GIGYF2: variants seen among roughly 807,000 people sequenced by gnomAD.
The protein encoded by GIGYF2 is GRB10 interacting GYF protein 2.
A neutral mutation model predicts 208.1 loss-of-function variants in GIGYF2; 25 were observed. The observed-to-expected ratio is 0.12, with a 90% CI of 0.09 to 0.17. The LOEUF (loss-of-function observed/expected upper bound fraction) is 0.17. Among genes scored for constraint, GIGYF2 ranks in the 10% least tolerant of loss-of-function variants. The pLI is 1.00. For synonymous variants in GIGYF2, 534 were observed against 543.8 expected (o/e 0.98, Z 0.25); for missense variants, 1,302 against 1,579.4 (o/e 0.82, Z 2.98).
At position 232,791,244 on chromosome 2, in the gene GIGYF2, A is replaced by G. The variant is rs1168707917; in HGVS notation, c.1094-14A>G. 1 of 1,614,032 alleles carries G rather than the reference A, an allele frequency of 6.2e-7. No individual in the cohort carries two copies. The highest frequency in any genetic ancestry group is 8.5e-7 in the Non-Finnish European group (1 of 1,179,910). ...AACTTTCGTAAGTTCAACTAAGATTACTTCGTGTTCCAGAAGCTAGTGAGG... is the reference window on the plus strand; with the variant it reads ...AACTTTCGTAAGTTCAACTAAGATTGCTTCGTGTTCCAGAAGCTAGTGAGG... On this transcript the variant is annotated splice_polypyrimidine_tract_variant and intron_variant, in intron 11 of 28. Transcript: ENST00000373563.
chr2:232,810,829 A>G (rs73106316), intron 16 of GIGYF2: 2,331 of 198,336 alleles, frequency 0.012, 72 homozygotes, highest in African/African-American at 0.052. Flanking sequence ...GAATTTTTAT[A>G]GAAGTGTTAC....
At chr2:232,823,849 G>A (rs1432395061) in intron 21 of GIGYF2, among the ~76,000 whole-genome samples, 2 of 152,112 alleles carry the variant, frequency 1.3e-5, no homozygotes, top group African/African-American at 4.8e-5. Context: ...CATTTTTTAC[G>A]AATTGAAGGG....
chr2:232,786,258 G>A (rs2106359363), intron 8 of GIGYF2, among the ~76,000 whole-genome samples: 1 of 151,580 alleles, frequency 6.6e-6, no homozygotes, highest in East Asian at 1.9e-4. Context: ...TTTTTTTTGA[G>A]ACGGAGTCTT....
chr2:232,835,733 T>C (rs1574938768), intron 22 of GIGYF2, among the ~76,000 whole-genome samples: 1 of 152,318 alleles, frequency 6.6e-6, no homozygotes, highest in East Asian at 1.9e-4. Flanking sequence ...GTTGGGGATA[T>C]AGCACTGGGT....
chr2:232,779,161 T>C lies in GIGYF2; in HGVS notation c.533-7989T>C, dbSNP rs1167043073. Among the ~76,000 whole-genome samples, 4 of 152,196 alleles carry C rather than the reference T, an allele frequency of 2.6e-5. No homozygotes were observed. The East Asian group carries it at 5.8e-4, about 22-fold the overall frequency. The stretch of plus-strand genomic sequence containing the variant: ...CATGGTCCTTCCCATCTAGACAATT[T>C]GTTATTTCTGTTGTAGCTGTTTCAC... On this transcript the variant is annotated intron_variant, in intron 8 of 28. Transcript: ENST00000373563.
intron 18 of GIGYF2, among the ~76,000 whole-genome samples, chr2:232,813,787 A>G (rs1700817776): frequency 1.3e-5 from 2 of 152,006 alleles, no homozygotes; most frequent in African/African-American, 4.8e-5. Context: ...TGTTAAGAAT[A>G]CAGGTTGAGT....
intron 5 of GIGYF2, among the ~76,000 whole-genome samples, chr2:232,754,202 A>AT (rs147027549): frequency 0.023 from 3,466 of 149,520 alleles, 147 homozygotes; most frequent in African/African-American, 0.081. Flanking sequence ...GAGTTGTTTC[A>AT]TTTTTTTTTT....
At chr2:232,749,180 A>G in intron 5 of GIGYF2, 98 bp downstream of exon 5, 1 of 771,130 alleles carries the variant, frequency 1.3e-6, no homozygotes. Flanking sequence ...ATTATCCTGC[A>G]TCCTCATAGG....
intron 14 of GIGYF2, among the ~76,000 whole-genome samples, chr2:232,800,995 A>G (rs1197192282): frequency 6.6e-6 from 1 of 152,086 alleles, no homozygotes; most frequent in East Asian, 1.9e-4. Context: ...CTCTTGCCTC[A>G]GCCACCCAAG....
Position 232,860,559 on chromosome 2 carries a change from A to C in GIGYF2, c.*3699A>C, listed in dbSNP as rs986040777. 1 of 152,132 alleles carries C rather than the reference A, an allele frequency of 6.6e-6. No individual in the cohort carries two copies. Among genetic ancestry groups the C allele is most frequent in the Non-Finnish European group, 1.5e-5 (1 of 68,024 alleles). 9.4% of individuals were successfully genotyped at this position (152,132 alleles called of 1,614,324 possible). On this transcript the variant is annotated 3_prime_UTR_variant, in exon 29 of 29. Transcript: ENST00000373563. ...TGCCCAACTGTGCATTATTAATAAA[A>C]GTATGTGAATGACTCTAATTAAACA...
chr2:232,747,026 C>T (rs1698174935), intron 3 of GIGYF2, among the ~76,000 whole-genome samples: 1 of 152,134 alleles, frequency 6.6e-6, no homozygotes, highest in South Asian at 2.1e-4. Flanking sequence ...CAGGTTTATG[C>T]ATTTTATATA....
chr2:232,855,806 A>G (rs541742506), intron 28 of GIGYF2, among the ~76,000 whole-genome samples: 45 of 151,850 alleles, frequency 3.0e-4, no homozygotes, highest in Admixed American at 1.6e-3. Flanking sequence ...GCCCACCCCC[A>G]TCTCTTTTAA....
At chr2:232,748,947 A>G in intron 4 of GIGYF2, 40 bp from the exon 5 acceptor site, 1 of 881,706 alleles carries the variant, frequency 1.1e-6, no homozygotes. Flanking sequence ...CTTATTGCAG[A>G]AATAGCATTA....
At chr2:232,750,722 A>T (rs1698305130) in intron 5 of GIGYF2, among the ~76,000 whole-genome samples, 1 of 145,786 alleles carries the variant, frequency 6.9e-6, no homozygotes, top group African/African-American at 2.6e-5. Flanking sequence ...TATGCTATTT[A>T]TATGAGCTCT....
intron 3 of GIGYF2, chr2:232,736,154 T>C (rs1697722998): frequency 1.0e-6 from 1 of 979,404 alleles, no homozygotes; most frequent in Non-Finnish European, 1.2e-6. Context: ...ATTTGGAGAC[T>C]GAGGAGAAAT....
intron 2 of GIGYF2, among the ~76,000 whole-genome samples, chr2:232,712,166 C>G (rs1446897168): frequency 6.6e-6 from 1 of 151,792 alleles, no homozygotes; most frequent in African/African-American, 2.4e-5. Flanking sequence ...AAGTCTCATT[C>G]ATTTTGAAAA....
chr2:232,734,793 TAAAATGTA>T (rs914733288), intron 2 of GIGYF2, among the ~76,000 whole-genome samples: 1 of 152,170 alleles, frequency 6.6e-6, no homozygotes, highest in African/African-American at 2.4e-5. Context: ...TAATATGAAC[TAAAATGTA>T]AATCTATTAC....
At chr2:232,697,666 C>T (rs1288877345) in intron 1 of GIGYF2, among the ~76,000 whole-genome samples, 1 of 152,246 alleles carries the variant, frequency 6.6e-6, no homozygotes, top group East Asian at 1.9e-4. Flanking sequence ...GCCGAGAAGC[C>T]CCTAGGCCAG....
intron 9 of GIGYF2, among the ~76,000 whole-genome samples, chr2:232,788,913 A>G (rs960647844): frequency 2.0e-5 from 3 of 152,148 alleles, no homozygotes; most frequent in African/African-American, 7.2e-5. Flanking sequence ...TTGGGTCTGA[A>G]AAAACAGTGT....
Sources: gnomAD v4.1 joint callset for allele counts (sites outside exome capture counted in the v4.1 genomes callset) on GRCh38, gnomAD v4.1.1 for gene constraint, MANE v1.5 for transcripts, NCBI Gene and HGNC (gene_info 2026-07-23, HGNC 2026-07-21) for gene names.